Variants in ZNF780B observed in about 807,000 individuals in gnomAD.
ZNF780B encodes the protein zinc finger protein 780B.
A neutral mutation model predicts 74.1 loss-of-function variants in ZNF780B; 52 were observed. The observed-to-expected ratio is 0.70, with a 90% CI of 0.56 to 0.88. The LOEUF (loss-of-function observed/expected upper bound fraction) is 0.88, where lower values mean the gene tolerates loss of function less well. Among genes scored for constraint, ZNF780B ranks in the 40% least tolerant of loss-of-function variants. The pLI is 0.00. For missense variants in ZNF780B, 953 were observed against 1,007.6 expected (o/e 0.95, Z 0.73); for synonymous variants, 315 against 324.3 (o/e 0.97, Z 0.31).
intron 4 of ZNF780B, among the ~76,000 whole-genome samples, chr19:40,036,909 G>A (rs1375727398): frequency 7.2e-6 from 1 of 139,800 alleles, no homozygotes; most frequent in African/African-American, 3.1e-5. Flanking sequence ...AGTGAAGAAA[G>A]CTTTTTTTTT....
intron 1 of ZNF780B, among the ~76,000 whole-genome samples, chr19:40,052,664 T>C (rs1973284591): frequency 6.6e-6 from 1 of 151,766 alleles, no homozygotes; most frequent in African/African-American, 2.4e-5. Flanking sequence ...GTTGGAGGCA[T>C]CAAACTACCT....
At position 40,036,397 on chromosome 19, in the gene ZNF780B, A is replaced by G. The variant is rs1972316490; in HGVS notation, c.462T>C (p.His154=). 2.5e-6 allele frequency: 4 copies of G among 1,610,666 alleles called. No individual in the cohort carries two copies. Among genetic ancestry groups the G allele is most frequent in the Non-Finnish European group, 3.4e-6 (4 of 1,178,968 alleles). Residue 154 remains histidine, a synonymous_variant, in exon 5 of 5, where the codon CAT becomes CAC. Coordinates refer to ENST00000434248, the MANE Select transcript of ZNF780B (RefSeq NM_001005851.3). ...ISYEEMPAYT[H]ASPIHNTHKP... is the part of the protein sequence containing the mutation. ...TATGTGTATTATGAATAGGAGAAGCATGAGTATAAGCAGGCATTTCTTCAT... is the reference window on the plus strand; with the variant it reads ...TATGTGTATTATGAATAGGAGAAGCGTGAGTATAAGCAGGCATTTCTTCAT...
At chr19:40,054,166 A>G (rs778877081) in intron 1 of ZNF780B, among the ~76,000 whole-genome samples, 16 of 152,110 alleles carry the variant, frequency 1.1e-4, no homozygotes, top group Non-Finnish European at 2.2e-4. Context: ...AAAAAAGAAA[A>G]CACTTGATAT....
Position 40,035,380 on chromosome 19 carries a change from GTTC to G in ZNF780B, c.1476_1478del (p.Lys492del). The stretch of plus-strand genomic sequence containing the variant: ...CAAATGGTTTCTCACCAGTATGAAT[GTTC>G]TTATGTCGAGCAAGCTGTGTCAGAA... On this transcript the variant is annotated inframe_deletion, in exon 5 of 5. Transcript: ENST00000434248. 6.2e-7 allele frequency: 1 copy of G among 1,613,956 alleles called. No homozygotes were observed. Among genetic ancestry groups the G allele is most frequent in the Non-Finnish European group, 8.5e-7 (1 of 1,179,972 alleles).
intron 4 of ZNF780B, among the ~76,000 whole-genome samples, chr19:40,041,391 G>C (rs1972628026): frequency 6.6e-6 from 1 of 152,192 alleles, no homozygotes; most frequent in Middle Eastern, 3.2e-3. Flanking sequence ...TGTTGATTTG[G>C]GGTGGAGAGT....
At chr19:40,037,471 C>A (rs1047433655) in intron 4 of ZNF780B, among the ~76,000 whole-genome samples, 1 of 152,024 alleles carries the variant, frequency 6.6e-6, no homozygotes, top group African/African-American at 2.4e-5. Context: ...AGATGGTGTC[C>A]CACCATGTTA....
At chr19:40,048,822 G>A in intron 2 of ZNF780B, 26 bp from the exon 3 acceptor site, 1 of 1,611,926 alleles carries the variant, frequency 6.2e-7, no homozygotes, top group South Asian at 1.1e-5. Context: ...CATGGATTAT[G>A]GTGAAATTGA....
intron 1 of ZNF780B, among the ~76,000 whole-genome samples, chr19:40,053,143 C>T (rs1225914775): frequency 6.6e-6 from 1 of 152,088 alleles, no homozygotes; most frequent in East Asian, 1.9e-4. Flanking sequence ...GAAGAGACTA[C>T]CTACAGAATG....
At position 40,035,404 on chromosome 19, in the gene ZNF780B, CAG is replaced by C. The variant is rs754993102; in HGVS notation, c.1453_1454del (p.Leu485AspfsTer7). On this transcript the variant is annotated frameshift_variant, in exon 5 of 5. Coordinates refer to ENST00000434248, the MANE Select transcript of ZNF780B (RefSeq NM_001005851.3). LOFTEE classifies it high-confidence loss of function. ...CKECGKAFSL[L>X]TQLARHKNIH... ...TGTTCTTATGTCGAGCAAGCTGTGT[CAG>C]AAGACTAAAGGCCTTTCCACATTCT... The C allele has an allele frequency of 6.2e-7, 1 of 1,613,938 alleles. No homozygotes were observed. The highest frequency in any genetic ancestry group is 8.5e-7 in the Non-Finnish European group (1 of 1,179,972).
chr19:40,053,417 T>C (rs1037064014), intron 1 of ZNF780B, among the ~76,000 whole-genome samples: 4 of 152,200 alleles, frequency 2.6e-5, no homozygotes, highest in Admixed American at 2.6e-4. Context: ...TAACAAATGT[T>C]GGTGAGAATG....
intron 4 of ZNF780B, among the ~76,000 whole-genome samples, chr19:40,043,898 C>T (rs990464436): frequency 5.3e-5 from 8 of 152,316 alleles, no homozygotes; most frequent in Admixed American, 1.3e-4. Flanking sequence ...GCACACAGTG[C>T]GCTGCACCCA....
At position 40,036,431 on chromosome 19, in the gene ZNF780B, A is replaced by T; in HGVS notation, c.428T>A (p.Ile143Asn). 2 of 1,609,116 alleles carry T rather than the reference A, an allele frequency of 1.2e-6. No homozygotes were observed. The highest frequency in any genetic ancestry group is 1.7e-6 in the Non-Finnish European group (2 of 1,178,450). ...AGCAGGCATTTCTTCATAGCTGATGATCTTCTGGTTGATATATCCTTCTTG... is the reference window on the plus strand; with the variant it reads ...AGCAGGCATTTCTTCATAGCTGATGTTCTTCTGGTTGATATATCCTTCTTG... ...GHQEGYINQKIISYEEMPAYT... is the reference protein window; with the variant it reads ...GHQEGYINQKNISYEEMPAYT... The change falls in exon 5 of 5, where the codon ATC becomes AAC. Residue 143 changes from isoleucine (I) to asparagine (N), a missense_variant. By Grantham distance (149) the Ile-to-Asn change is moderately radical (BLOSUM62 -3). Transcript: ENST00000434248.
intron 2 of ZNF780B, 58 bp from the exon 3 acceptor site, chr19:40,048,854 A>G: frequency 1.2e-6 from 2 of 1,608,730 alleles, no homozygotes; most frequent in Non-Finnish European, 1.7e-6. Flanking sequence ...TCAAGACGAA[A>G]GGAGAGGAAG....
intron 4 of ZNF780B, among the ~76,000 whole-genome samples, chr19:40,038,877 T>C (rs1972491045): frequency 6.6e-6 from 1 of 150,436 alleles, no homozygotes; most frequent in African/African-American, 2.4e-5. Context: ...TTCACTCTGA[T>C]GGTAGTTTCT....
rs1972151104 is a variant in ZNF780B, at chr19:40,034,693, C to T, written c.2166G>A (p.Glu722=). ...CGCATTCTTTACATTCAAAGGGTTT[C>T]TCACCAGTATGAATTCGGTAATGTT... The part of the protein sequence containing the change: ...LTEHYRIHTG[E]KPFECKECGK... Residue 722 remains glutamate, a synonymous_variant, in exon 5 of 5, where the codon GAG becomes GAA. Transcript: ENST00000434248. The T allele has an allele frequency of 6.2e-7, 1 of 1,614,096 alleles. No individual in the cohort carries two copies. Among genetic ancestry groups the T allele is most frequent in the Non-Finnish European group, 8.5e-7 (1 of 1,180,006 alleles).
intron 3 of ZNF780B, among the ~76,000 whole-genome samples, chr19:40,047,994 T>C (rs1973013935): frequency 1.3e-5 from 2 of 152,228 alleles, no homozygotes; most frequent in Admixed American, 1.3e-4. Context: ...TTTAAGAATT[T>C]TCACCCAACA....
intron 1 of ZNF780B, among the ~76,000 whole-genome samples, chr19:40,053,414 T>C (rs941376548): frequency 6.6e-6 from 1 of 152,170 alleles, no homozygotes; most frequent in Non-Finnish European, 1.5e-5. Context: ...AGTTAACAAA[T>C]GTTGGTGAGA....
chr19:40,054,884 C>A (rs1973414367), intron 1 of ZNF780B, among the ~76,000 whole-genome samples: 1 of 152,206 alleles, frequency 6.6e-6, no homozygotes, highest in Non-Finnish European at 1.5e-5. Flanking sequence ...CAAAATGCAA[C>A]CGGAACTGCC....
rs934486757 is a variant in ZNF780B, at chr19:40,033,336, A to C, written c.*1021T>G. 2 of 154,996 alleles carry C rather than the reference A, an allele frequency of 1.3e-5. No homozygotes were observed. The highest frequency in any genetic ancestry group is 4.8e-5 in the African/African-American group (2 of 41,534). 9.6% of individuals were successfully genotyped at this position (154,996 alleles called of 1,614,324 possible). Reference sequence around the variant, plus strand: ...AGTGTGTATAAAATGCAGTAACTGCAATGCACAATTAAGCAAGGTACGCCT... The same window carrying C: ...AGTGTGTATAAAATGCAGTAACTGCCATGCACAATTAAGCAAGGTACGCCT... On this transcript the variant is annotated 3_prime_UTR_variant, in exon 5 of 5. Transcript: ENST00000434248.
Sources: gnomAD v4.1 joint callset for allele counts (sites outside exome capture counted in the v4.1 genomes callset) on GRCh38, gnomAD v4.1.1 for gene constraint, MANE v1.5 for transcripts, NCBI Gene and HGNC (gene_info 2026-07-23, HGNC 2026-07-21) for gene names.